Variants in ZNF138 observed in about 807,000 individuals in gnomAD.
ZNF138 encodes the protein zinc finger protein 138 (clone pHZ-32).
ZNF138 carries 33 observed loss-of-function variants against 33.0 expected under a neutral mutation model. The ratio of observed to expected loss-of-function variants is 1.00; its 90% CI spans 0.76 to 1.34. The LOEUF (loss-of-function observed/expected upper bound fraction) is 1.34, where lower values mean the gene tolerates loss of function less well. ZNF138 is among the 40% of genes most tolerant of loss of function. The pLI is 0.00. For missense variants in ZNF138, 360 were observed against 370.8 expected, an observed-to-expected ratio of 0.97 and a Z score of 0.24; for synonymous variants, 139 against 120.4, an observed-to-expected ratio of 1.15 and a Z score of -1.01.
the ZNF138 span, among the ~76,000 whole-genome samples, chr7:64,844,034 G>A: frequency 9.2e-5 from 14 of 152,210 alleles, 1 homozygote; most frequent in African/African-American, 3.4e-4. Context: ...ATGTTGGCCA[G>A]GCTGGTCTCA....
the ZNF138 span, among the ~76,000 whole-genome samples, chr7:64,844,632 A>G: frequency 6.6e-6 from 1 of 151,488 alleles, no homozygotes; most frequent in African/African-American, 2.4e-5. Flanking sequence ...GGTTTCGAGG[A>G]ACAGGTGGTA....
chr7:64,850,341 G>T, the ZNF138 span, among the ~76,000 whole-genome samples: 1 of 152,288 alleles, frequency 6.6e-6, no homozygotes, highest in East Asian at 1.9e-4. Context: ...TCCGTCAGAG[G>T]GTCTTTGGAT....
chr7:64,813,275 A>G (rs185137606), intron 1 of ZNF138, among the ~76,000 whole-genome samples: 1 of 152,202 alleles, frequency 6.6e-6, no homozygotes, highest in Non-Finnish European at 1.5e-5. Context: ...AGGATTAATA[A>G]AATGCTGTTT....
the ZNF138 span, chr7:64,853,478 G>T: frequency 1.9e-6 from 1 of 527,598 alleles, no homozygotes; most frequent in Non-Finnish European, 3.4e-6. Context: ...ATATATATGA[G>T]ATCATGTAGT....
chr7:64,815,640 A>G lies in ZNF138; in HGVS notation c.195A>G (p.Val65=). ...PWNMKRHEMV[V]AKHSALCSRF... is the part of the protein sequence containing the mutation. ...ATATGAAGAGACATGAGATGGTGGT[A>G]GCCAAACATTCAGGTAGGTGAGAGT... Residue 65 remains valine, a synonymous_variant, in exon 3 of 4, where the codon GTA becomes GTG. Coordinates refer to ENST00000307355, the MANE Select transcript of ZNF138 (RefSeq NM_001271639.2). 1 of 1,611,752 alleles carries G rather than the reference A, an allele frequency of 6.2e-7. No homozygotes were observed. The highest frequency in any genetic ancestry group is 8.5e-7 in the Non-Finnish European group (1 of 1,178,872).
At chr7:64,833,885 C>T (rs1322906221), downstream of ZNF138, among the ~76,000 whole-genome samples, 11 of 152,042 alleles carry the variant, frequency 7.2e-5, no homozygotes, top group Admixed American at 4.6e-4. Flanking sequence ...CCATCACGCC[C>T]GGCTAAGTTT....
chr7:64,834,090 GGGTTGTAGTGCCTGCCTTACTT>G (rs1459526107), downstream of ZNF138, among the ~76,000 whole-genome samples: 13 of 152,232 alleles, frequency 8.5e-5, no homozygotes, highest in Admixed American at 7.2e-4. Context: ...AACATAAAGA[GGGTTGTAGTGCCTGCCTTACTT>G]GTATCACAGA....
At chr7:64,812,995 T>G (rs1479833351) in intron 1 of ZNF138, among the ~76,000 whole-genome samples, 2 of 152,100 alleles carry the variant, frequency 1.3e-5, no homozygotes, top group African/African-American at 4.8e-5. Context: ...TTTAACTACT[T>G]TTAAAAATTC....
At chr7:64,850,480 G>T in the ZNF138 span, among the ~76,000 whole-genome samples, 1 of 152,156 alleles carries the variant, frequency 6.6e-6, no homozygotes, top group South Asian at 2.1e-4. Context: ...TTTTCCCCCA[G>T]AAAAGGGGTT....
chr7:64,850,317 T>C, the ZNF138 span, among the ~76,000 whole-genome samples: 1 of 152,238 alleles, frequency 6.6e-6, no homozygotes, highest in Non-Finnish European at 1.5e-5. Flanking sequence ...CAGGTCCTGT[T>C]GGAGCAGTTT....
intron 1 of ZNF138, among the ~76,000 whole-genome samples, chr7:64,806,134 A>G (rs1223915347): frequency 1.3e-5 from 2 of 152,250 alleles, no homozygotes; most frequent in East Asian, 3.8e-4. Flanking sequence ...TAATATAAAC[A>G]TACAGGGTGC....
At chr7:64,831,060 A>C in intron 3 of ZNF138, 1 of 1,551,588 alleles carries the variant, frequency 6.4e-7, no homozygotes, top group Non-Finnish European at 8.7e-7. Context: ...AAGCACCTAG[A>C]AGCCAGAAAT....
the ZNF138 span, among the ~76,000 whole-genome samples, chr7:64,840,001 C>CG: frequency 7.1e-6 from 1 of 141,294 alleles, no homozygotes; most frequent in African/African-American, 2.6e-5. Flanking sequence ...GGGGTAGGGG[C>CG]GGGGTCGGTT....
Position 64,822,331 on chromosome 7 carries a change from C to A in ZNF138, c.208+6678C>A, listed in dbSNP as rs939655553. 3.3e-5 allele frequency among the ~76,000 whole-genome samples: 5 copies of A among 151,542 alleles called. 1 individual carries two copies. Among genetic ancestry groups the A allele is most frequent in the African/African-American group, 9.8e-5 (4 of 40,914 alleles). Reference sequence around the variant, plus strand: ...TGTAGTTCAATTTTTCTGTTCTTTTCTTTGTTTCACATGCATTTAATGTTG... The same window carrying A: ...TGTAGTTCAATTTTTCTGTTCTTTTATTTGTTTCACATGCATTTAATGTTG... On this transcript the variant is annotated intron_variant, in intron 3 of 3. Transcript: ENST00000307355.
chr7:64,805,139 C>T (rs756451455), intron 1 of ZNF138, among the ~76,000 whole-genome samples: 7 of 152,124 alleles, frequency 4.6e-5, no homozygotes, highest in Non-Finnish European at 8.8e-5. Flanking sequence ...TGGCTCACAC[C>T]TATAATCCCA....
chr7:64,815,131 T>A (rs1788510989), intron 2 of ZNF138, 87 bp downstream of exon 2: 1 of 1,316,024 alleles, frequency 7.6e-7, no homozygotes, highest in Admixed American at 2.7e-5. Context: ...TTTGGTAATT[T>A]ATGCTTTGCA....
chr7:64,828,329 C>T (rs534334769), intron 3 of ZNF138, among the ~76,000 whole-genome samples: 1 of 152,192 alleles, frequency 6.6e-6, no homozygotes, highest in African/African-American at 2.4e-5. Context: ...CATCTCACTA[C>T]ACATTAAACA....
rs189890966 is a variant in ZNF138 at position 64,805,322 on chromosome 7, C to T, written c.4-9596C>T. On this transcript the variant is annotated intron_variant, in intron 1 of 3. Transcript: ENST00000307355. Reference sequence around the variant, plus strand: ...GCTGAGCCAGGAGAATTGCTTGAACCCGGAAGGTGGAGGTTGCAGTGAGCT... The same window carrying T: ...GCTGAGCCAGGAGAATTGCTTGAACTCGGAAGGTGGAGGTTGCAGTGAGCT... Among the ~76,000 whole-genome samples, 324 of 151,894 alleles carry T rather than the reference C, an allele frequency of 2.1e-3. 1 individual carries two copies. Among genetic ancestry groups the T allele is most frequent in the African/African-American group, 7.0e-3 (290 of 41,386 alleles).
intron 1 of ZNF138, chr7:64,813,983 C>CAGCT (rs1207475776): frequency 9.1e-7 from 1 of 1,096,196 alleles, no homozygotes; most frequent in East Asian, 8.2e-5. Flanking sequence ...TTTAATCTGG[C>CAGCT]AGCTGCCTTT....
Sources: allele counts gnomAD v4.1 joint callset (sites outside exome capture counted in the v4.1 genomes callset), GRCh38; gene constraint gnomAD v4.1.1; transcripts MANE v1.5; gene names NCBI Gene and HGNC (gene_info 2026-07-23, HGNC 2026-07-21).